ARID1B: variants seen among roughly 807,000 people sequenced by gnomAD.
ARID1B encodes AT-rich interactive domain-containing protein 1B.
In ARID1B, 30 loss-of-function variants were observed where a neutral mutation model predicts 212.3. The observed-to-expected ratio is 0.14, with a 90% CI of 0.11 to 0.19. ARID1B has a LOEUF of 0.19. Among genes scored for constraint, ARID1B ranks in the 10% least tolerant of loss-of-function variants. The pLI is 1.00. For missense variants in ARID1B, 2,891 were observed against 3,204.0 expected, an observed-to-expected ratio of 0.90 and a Z score of 2.36; for synonymous variants, 1,402 against 1,301.7, an observed-to-expected ratio of 1.08 and a Z score of -1.66.
At position 157,100,306 on chromosome 6, in the gene ARID1B, G is replaced by C. The variant is rs148428610; in HGVS notation, c.2492-10166G>C. ...GTGAGGTGATCTTATTAGAGACAGA[G>C]GCACACACACCCCATGCTGAACAAT... On this transcript the variant is annotated intron_variant, in intron 5 of 19. Transcript: ENST00000636930. 2.6e-5 allele frequency among the ~76,000 whole-genome samples: 4 copies of C among 152,282 alleles called. No homozygotes were observed. The East Asian group carries it at 5.8e-4, about 22-fold the overall frequency.
intron 2 of ARID1B, among the ~76,000 whole-genome samples, chr6:156,892,973 TA>T (rs1262935356): frequency 6.6e-6 from 1 of 151,958 alleles, no homozygotes; most frequent in Non-Finnish European, 1.5e-5. Flanking sequence ...AATTAGCTCA[TA>T]ATCTATCATA....
At chr6:156,811,673 A>C (rs752095471) in intron 1 of ARID1B, among the ~76,000 whole-genome samples, 2 of 152,170 alleles carry the variant, frequency 1.3e-5, no homozygotes, top group African/African-American at 2.4e-5. Flanking sequence ...CTCTTCTTAT[A>C]AGGACAGCAG....
At chr6:156,824,503 G>A (rs1363065545) in intron 1 of ARID1B, among the ~76,000 whole-genome samples, 1 of 152,194 alleles carries the variant, frequency 6.6e-6, no homozygotes, top group Non-Finnish European at 1.5e-5. Context: ...AGCGGCTCAC[G>A]CCTGTAATCC....
intron 2 of ARID1B, among the ~76,000 whole-genome samples, chr6:156,887,308 C>T (rs754317830): frequency 2.0e-5 from 3 of 152,152 alleles, no homozygotes; most frequent in South Asian, 2.1e-4. Flanking sequence ...GCAGTTGACA[C>T]GATTCCCAAA....
chr6:156,940,445 A>C (rs890305977), intron 4 of ARID1B: 1 of 152,206 alleles, frequency 6.6e-6, no homozygotes, highest in East Asian at 1.9e-4. Flanking sequence ...CTTTAGATAA[A>C]ACATATGTTT....
intron 4 of ARID1B, among the ~76,000 whole-genome samples, chr6:156,984,224 G>A (rs548252191): frequency 3.9e-5 from 6 of 152,114 alleles, no homozygotes; most frequent in Non-Finnish European, 5.9e-5. Context: ...ACAGCAGTCC[G>A]GTGCAGCTCC....
At chr6:156,939,596 T>A (rs1016098138) in intron 4 of ARID1B, 5 of 152,176 alleles carry the variant, frequency 3.3e-5, no homozygotes, top group Non-Finnish European at 5.9e-5. Context: ...TGCTAAGGGA[T>A]CTGTTAGGTG....
chr6:157,064,883 C>T (rs75538466), intron 4 of ARID1B, among the ~76,000 whole-genome samples: 4,195 of 152,294 alleles, frequency 0.028, 296 homozygotes, highest in East Asian at 0.27. Context: ...CCTTCCTCTT[C>T]AGGACAAATA....
At chr6:156,907,646 C>T (rs1013052718) in intron 3 of ARID1B, among the ~76,000 whole-genome samples, 1 of 151,556 alleles carries the variant, frequency 6.6e-6, no homozygotes, top group Non-Finnish European at 1.5e-5. Flanking sequence ...TGGCTCATGC[C>T]TGTAATTCTA....
intron 2 of ARID1B, among the ~76,000 whole-genome samples, chr6:156,848,919 A>G (rs536048206): frequency 6.1e-4 from 93 of 152,326 alleles, no homozygotes; most frequent in African/African-American, 2.2e-3. Context: ...AATATTTGTT[A>G]CAATAACCAA....
intron 4 of ARID1B, among the ~76,000 whole-genome samples, chr6:157,004,006 A>G (rs1308022374): frequency 6.6e-6 from 1 of 152,236 alleles, no homozygotes; most frequent in Non-Finnish European, 1.5e-5. Flanking sequence ...GTGGTGGTGC[A>G]TGCCAGCAGA....
At position 157,114,523 on chromosome 6, in the gene ARID1B, C is replaced by CAAAAAAAAAAA. The variant is rs111845551; in HGVS notation, c.2581+3980_2581+3990dup. Among the ~76,000 whole-genome samples, 65 of 50,410 alleles carry CAAAAAAAAAAA rather than the reference C, an allele frequency of 1.3e-3. 5 individuals are homozygous for CAAAAAAAAAAA. Among genetic ancestry groups the CAAAAAAAAAAA allele is most frequent in the African/African-American group, 4.2e-3 (63 of 15,004 alleles). The allele number at this position is 50,410 out of a possible 152,430, so 33.1% of individuals were successfully genotyped here. On this transcript the variant is annotated intron_variant, in intron 6 of 19. Transcript: ENST00000636930. The stretch of plus-strand genomic sequence containing the variant: ...TGGGCGACAGAGCGACACTCCGTCT[C>CAAAAAAAAAAA]AAAAAAAAAAAAAAAAAAAAAAAAA...
At chr6:157,012,990 C>T (rs1242443459) in intron 4 of ARID1B, among the ~76,000 whole-genome samples, 3 of 152,202 alleles carry the variant, frequency 2.0e-5, no homozygotes, top group African/African-American at 4.8e-5. Flanking sequence ...AGCAATTCTC[C>T]TGCTTCAGCC....
At chr6:157,007,930 C>T (rs891221737) in intron 4 of ARID1B, among the ~76,000 whole-genome samples, 3 of 151,780 alleles carry the variant, frequency 2.0e-5, no homozygotes, top group Admixed American at 6.6e-5. Context: ...CCCACCTCGG[C>T]CTCCCAAAGT....
At chr6:157,064,523 A>G (rs1390965146) in intron 4 of ARID1B, among the ~76,000 whole-genome samples, 1 of 147,238 alleles carries the variant, frequency 6.8e-6, no homozygotes, top group Non-Finnish European at 1.5e-5. Context: ...TGATTTGTTT[A>G]ATTTTTACTC....
chr6:157,198,780 A>G (rs1443494942), intron 16 of ARID1B, 31 bp from the exon 17 acceptor site: 2 of 1,553,548 alleles, frequency 1.3e-6, no homozygotes, highest in Middle Eastern at 1.7e-4. Flanking sequence ...GCTTTTTCTC[A>G]GTTAAGTTTT....
At chr6:157,159,699 T>G (rs1287658250) in intron 8 of ARID1B, among the ~76,000 whole-genome samples, 2 of 151,690 alleles carry the variant, frequency 1.3e-5, no homozygotes, top group African/African-American at 4.8e-5. Context: ...GATGCAGGAG[T>G]GAAAAATACA....
At chr6:156,953,661 A>T (rs1793752691) in intron 4 of ARID1B, among the ~76,000 whole-genome samples, 1 of 152,124 alleles carries the variant, frequency 6.6e-6, no homozygotes, top group Non-Finnish European at 1.5e-5. Context: ...TATTTTTATA[A>T]TTTATCATCA....
chr6:156,949,886 C>T (rs756370033), intron 4 of ARID1B, among the ~76,000 whole-genome samples: 5 of 152,094 alleles, frequency 3.3e-5, no homozygotes, highest in East Asian at 1.9e-4. Flanking sequence ...ACTATGGGGA[C>T]GAGTGAAGAT....
Sources: allele counts gnomAD v4.1 joint callset (sites outside exome capture counted in the v4.1 genomes callset), GRCh38; gene constraint gnomAD v4.1.1; transcripts MANE v1.5; gene names NCBI Gene and HGNC (gene_info 2026-07-23, HGNC 2026-07-21).